Variants in MYBPC3 observed in about 807,000 individuals in gnomAD.
MYBPC3 encodes the protein myosin-binding protein C, cardiac-type.
Under a neutral mutation model 159.3 loss-of-function variants are expected in MYBPC3, and 108 were observed. That is an observed-to-expected ratio of 0.68 (90% confidence interval 0.58 to 0.80). MYBPC3 has a LOEUF of 0.80. MYBPC3 is among the 30% of genes least tolerant of loss of function. The pLI is 0.00. For missense variants in MYBPC3, 1,631 were observed against 1,762.1 expected (o/e 0.93, Z 1.33); for synonymous variants, 730 against 702.0 (o/e 1.04, Z -0.63).
At position 47,332,353 on chromosome 11, in the gene MYBPC3, G is replaced by T; in HGVS notation, c.3628-95C>A. ...GACACATCTGTGTTTCTACTCGGGG[G>T]GTCCCACGAGAGTCCCTGACTATGC... On this transcript the variant is annotated intron_variant, in intron 32 of 34. Transcript: ENST00000545968. The surrounding 1 kb of genome is among the most constrained non-coding windows in gnomAD (Gnocchi z 4.2). 6.7e-7 allele frequency: 1 copy of T among 1,481,496 alleles called. No homozygotes were observed. Among genetic ancestry groups the T allele is most frequent in the Non-Finnish European group, 9.4e-7 (1 of 1,068,128 alleles). The allele number at this position is 1,481,496 out of a possible 1,614,324, so 91.8% of individuals were successfully genotyped here. A position where few individuals can be genotyped will look rare whatever the true frequency, so the allele number is the denominator to read the frequency against.
intron 12 of MYBPC3, among the ~76,000 whole-genome samples, chr11:47,345,605 C>T (rs1390612254): frequency 6.6e-6 from 1 of 152,282 alleles, no homozygotes; most frequent in South Asian, 2.1e-4. Flanking sequence ...CCCCTGCTTT[C>T]CCGGCTCACA....
At chr11:47,347,588 C>A in intron 8 of MYBPC3, 63 bp downstream of exon 8, 1 of 1,559,850 alleles carries the variant, frequency 6.4e-7, no homozygotes, top group Non-Finnish European at 8.7e-7. Context: ...AGATTGGGCT[C>A]CCACCCGTCT....
rs746518586 is a variant in MYBPC3 at position 47,338,504 on chromosome 11, C to A, written c.2308+16G>T. On this transcript the variant is annotated intron_variant, in intron 23 of 34. Transcript: ENST00000545968. The surrounding 1 kb of genome is among the most constrained non-coding windows in gnomAD (Gnocchi z 4.7). Reference sequence around the variant, plus strand: ...GCCCCTCTGTGTTCTCCAGCTTGGACCCCGGCCGGCCTCACCGATGACCTT... The same window carrying A: ...GCCCCTCTGTGTTCTCCAGCTTGGAACCCGGCCGGCCTCACCGATGACCTT... 5.0e-6 allele frequency: 8 copies of A among 1,613,910 alleles called. No individual in the cohort carries two copies. Among genetic ancestry groups the A allele is most frequent in the Non-Finnish European group, 6.8e-6 (8 of 1,179,840 alleles).
chr11:47,342,683 C>T lies in MYBPC3; in HGVS notation c.1519G>A (p.Gly507Arg), dbSNP rs35736435. 5.8e-4 allele frequency: 941 copies of T among 1,614,008 alleles called. 1 individual carries two copies. Among genetic ancestry groups the T allele is most frequent in the African/African-American group, 5.4e-3 (403 of 75,046 alleles). Residue 507 changes from glycine (G) to arginine (R), a missense_variant, in exon 17 of 35, where the codon GGG becomes AGG. By Grantham distance (125) the Gly-to-Arg change is moderately radical. Transcript: ENST00000545968. Reference sequence around the variant, plus strand: ...TTGATGATCAGGTGGTGTCTCTGCCCGTCCTTCTTGAACCGGTATTTGAAG... The same window carrying T: ...TTGATGATCAGGTGGTGTCTCTGCCTGTCCTTCTTGAACCGGTATTTGAAG... The part of the protein sequence containing the change: ...ETFKYRFKKD[G>R]QRHHLIINEA...
At chr11:47,348,979 T>C (rs2095897560) in intron 5 of MYBPC3, among the ~76,000 whole-genome samples, 1 of 141,286 alleles carries the variant, frequency 7.1e-6, no homozygotes, top group Non-Finnish European at 1.5e-5. Flanking sequence ...ACCCTCAGGC[T>C]TTAGTTAACC....
chr11:47,339,356 C>T lies in MYBPC3; in HGVS notation c.2116G>A (p.Gly706Ser), dbSNP rs1412973951. The change falls in exon 22 of 35, where the codon GGT becomes AGT. Residue 706 changes from glycine to serine, a missense_variant. Gly to Ser is a moderately conservative substitution (Grantham distance 56). Transcript: ENST00000545968. ...RPAPDAPEDT[G>S]DSDEWVFDKK... ...TCAAACACCCACTCATCGCTGTCAC[C>T]TGTGTCCTCTGGGGCATCTGGGGCT... 1.2e-6 allele frequency: 2 copies of T among 1,614,072 alleles called. No individual in the cohort carries two copies. Among genetic ancestry groups the T allele is most frequent in the Non-Finnish European group, 1.7e-6 (2 of 1,179,898 alleles).
chr11:47,347,826 C>G (rs768964179), intron 7 of MYBPC3, 31 bp downstream of exon 7: 38 of 1,556,320 alleles, frequency 2.4e-5, no homozygotes, highest in Admixed American at 3.9e-5. Context: ...CCAGCACTGG[C>G]CTCCCCCAGG....
At chr11:47,347,273 C>A in intron 9 of MYBPC3, 153 bp downstream of exon 9, 1 of 1,503,916 alleles carries the variant, frequency 6.6e-7, no homozygotes, top group Non-Finnish European at 8.9e-7. Context: ...CCCTTTAACT[C>A]CTTCCACACT....
rs397515908 is a variant in MYBPC3 at position 47,342,684 on chromosome 11, G to A, written c.1518C>T (p.Asp506=). 2.0e-5 allele frequency: 32 copies of A among 1,613,868 alleles called. No individual in the cohort carries two copies. Among genetic ancestry groups the A allele is most frequent in the African/African-American group, 9.3e-5 (7 of 74,930 alleles). Residue 506 remains aspartate, a synonymous_variant, in exon 17 of 35, where the codon GAC becomes GAT. Coordinates refer to ENST00000545968, the MANE Select transcript of MYBPC3 (RefSeq NM_000256.3). Reference sequence around the variant, plus strand: ...TGATGATCAGGTGGTGTCTCTGCCCGTCCTTCTTGAACCGGTATTTGAAGG... The same window carrying A: ...TGATGATCAGGTGGTGTCTCTGCCCATCCTTCTTGAACCGGTATTTGAAGG... ...EETFKYRFKK[D]GQRHHLIINE...
rs730880575 is a variant in MYBPC3, at chr11:47,351,437, C to G, written c.94G>C (p.Glu32Gln). 2 of 1,609,010 alleles carry G rather than the reference C, an allele frequency of 1.2e-6. No individual in the cohort carries two copies. Among genetic ancestry groups the G allele is most frequent in the Non-Finnish European group, 1.7e-6 (2 of 1,177,908 alleles). Residue 32 changes from glutamate to glutamine, a missense_variant, in exon 2 of 35, where the codon GAG (glutamate) becomes CAG (glutamine). Glu to Gln is a conservative substitution (Grantham distance 29). Transcript: ENST00000545968. This position sits in a 1 kb window ranked among gnomAD's most constrained non-coding sequence, Gnocchi z 4.2. Reference protein sequence around the residue: ...AAGSPAVFEAETERAGVKVRW... With the variant: ...AAGSPAVFEAQTERAGVKVRW... ...ACCTTCACTCCTGCCCGCTCTGTCT[C>G]GGCCTCGAACACGGCAGGGCTGCCT...
rs1187391930 is a variant in MYBPC3, at chr11:47,332,688, G to A, written c.3505C>T (p.Pro1169Ser). The change falls in exon 32 of 35, where the codon CCA (proline) becomes TCA (serine). Residue 1169 changes from proline (P) to serine (S), a missense_variant. By Grantham distance (74) the Pro-to-Ser change is moderately conservative. Coordinates refer to ENST00000545968, the MANE Select transcript of MYBPC3 (RefSeq NM_000256.3). This position sits in a 1 kb window ranked among gnomAD's most constrained non-coding sequence, Gnocchi z 4.2. Reference protein sequence around the residue: ...FIPRPGITYEPPNYKALDFSE... With the variant: ...FIPRPGITYESPNYKALDFSE... ...AAGTCCAGGGCCTTATAGTTGGGTG[G>A]CTCATAGGTGATGCCTGTTGGTGAC... The A allele has an allele frequency of 1.2e-6, 2 of 1,610,536 alleles. No individual in the cohort carries two copies. The highest frequency in any genetic ancestry group is 1.7e-4 in the Middle Eastern group (1 of 6,054).
At chr11:47,340,017 G>A (rs1220862918) in intron 20 of MYBPC3, among the ~76,000 whole-genome samples, 3 of 152,152 alleles carry the variant, frequency 2.0e-5, no homozygotes, top group Non-Finnish European at 4.4e-5. Context: ...ACCCCAGGAC[G>A]TTGGCTGGGA....
At chr11:47,340,293 GCGCACACATGCA>G (rs771930441) in intron 20 of MYBPC3, among the ~76,000 whole-genome samples, 4 of 151,478 alleles carry the variant, frequency 2.6e-5, no homozygotes, top group Non-Finnish European at 5.9e-5. Context: ...ACACACACGC[GCGCACACATGCA>G]CGCACACATG....
At chr11:47,336,036 G>C (rs758145091) in intron 25 of MYBPC3, 25 bp from the exon 26 acceptor site, 10 of 1,448,028 alleles carry the variant, frequency 6.9e-6, no homozygotes, top group Non-Finnish European at 8.2e-6. Flanking sequence ...GGTCAGAGAG[G>C]GGTCTGAGCA....
At chr11:47,336,380 A>G in intron 25 of MYBPC3, 1 of 163,236 alleles carries the variant, frequency 6.1e-6, no homozygotes, top group Non-Finnish European at 1.3e-5. Context: ...CCAGCTACTC[A>G]GAAGGCTGAG....
Position 47,335,946 on chromosome 11 carries a change from A to C in MYBPC3, c.2668T>G (p.Trp890Gly), listed in dbSNP as rs748326848. 1.3e-6 allele frequency: 2 copies of C among 1,566,100 alleles called. No homozygotes were observed. Among genetic ancestry groups the C allele is most frequent in the South Asian group, 1.2e-5 (1 of 84,194 alleles). Reference protein sequence around the residue: ...DVSDTTVSLKWRPPERVGAGG... With the variant: ...DVSDTTVSLKGRPPERVGAGG... ...GCTCCCACGCGCTCTGGGGGCCGCC[A>C]CTTGAGGGAGACCGTGGTGTCAGAG... Residue 890 changes from tryptophan (W) to glycine (G), a missense_variant, in exon 26 of 35, where the codon TGG (tryptophan) becomes GGG (glycine). Physicochemically the swap from Trp to Gly is radical, Grantham distance 184 (BLOSUM62 -2). Coordinates refer to ENST00000545968, the MANE Select transcript of MYBPC3 (RefSeq NM_000256.3).
In MYBPC3 at chr11:47,347,646, G is replaced by A. The variant is rs768364752; in HGVS notation, c.851+5C>T. 1.3e-6 allele frequency: 2 copies of A among 1,574,618 alleles called. No individual in the cohort carries two copies. The highest frequency in any genetic ancestry group is 2.3e-5 in the East Asian group (1 of 42,944). ...TGGTGCAGGTAGGGCCTGGGGCAGG[G>A]GTACCTGATCCGCCGACCACCTCCA... On this transcript the variant is annotated splice_donor_5th_base_variant and intron_variant, in intron 8 of 34. Coordinates refer to ENST00000545968, the MANE Select transcript of MYBPC3 (RefSeq NM_000256.3).
chr11:47,349,697 G>A (rs1399642413), intron 5 of MYBPC3, 77 bp downstream of exon 5: 7 of 1,517,560 alleles, frequency 4.6e-6, no homozygotes, highest in Non-Finnish European at 6.2e-6. Context: ...GTCTCATGGT[G>A]CCCTCTGTGT....
In MYBPC3 at chr11:47,332,721, G is replaced by C; in HGVS notation, c.3491-19C>G. The C allele has an allele frequency of 6.3e-7, 1 of 1,596,394 alleles. No homozygotes were observed. The highest frequency in any genetic ancestry group is 8.5e-7 in the Non-Finnish European group (1 of 1,171,064). ...GTGATGCCTGTTGGTGACAGGACTT[G>C]GTACCGAGAGGGCCACACAAAGCTA... On this transcript the variant is annotated intron_variant, in intron 31 of 34. Coordinates refer to ENST00000545968, the MANE Select transcript of MYBPC3 (RefSeq NM_000256.3). This position sits in a 1 kb window ranked among gnomAD's most constrained non-coding sequence, Gnocchi z 4.2.
Sources: gnomAD v4.1 joint callset for allele counts (sites outside exome capture counted in the v4.1 genomes callset) on GRCh38, gnomAD v4.1.1 for gene constraint, Gnocchi (gnomAD v3.1) non-coding constraint, MANE v1.5 for transcripts, NCBI Gene and HGNC (gene_info 2026-07-23, HGNC 2026-07-21) for gene names.